SLC25A48: variants seen among roughly 807,000 people sequenced by gnomAD.
SLC25A48 encodes the protein CTC-321K16.1.
Under a neutral mutation model 32.2 loss-of-function variants are expected in SLC25A48, and 29 were observed. That is an observed-to-expected ratio of 0.90 (90% CI 0.67 to 1.23). SLC25A48 has a LOEUF of 1.23. Among genes scored for constraint, SLC25A48 ranks in the 50% most tolerant of loss-of-function variants. The pLI is 0.00. For synonymous variants in SLC25A48, 164 were observed against 172.3 expected (o/e 0.95, Z 0.38); for missense variants, 399 against 422.7 (o/e 0.94, Z 0.49).
At chr5:135,769,868 G>A (rs1756357650) in intron 3 of SLC25A48, among the ~76,000 whole-genome samples, 1 of 151,480 alleles carries the variant, frequency 6.6e-6, no homozygotes, top group Admixed American at 6.6e-5. Flanking sequence ...TGAGGGGAAA[G>A]GATAATATTA....
At chr5:135,626,895 T>C (rs182413107) in intron 1 of SLC25A48, among the ~76,000 whole-genome samples, 1 of 152,278 alleles carries the variant, frequency 6.6e-6, no homozygotes, top group African/African-American at 2.4e-5. Flanking sequence ...TGCTCCTTGA[T>C]CAGTGACTGA....
chr5:135,708,585 C>T (rs940784580), intron 3 of SLC25A48, among the ~76,000 whole-genome samples: 12 of 152,312 alleles, frequency 7.9e-5, no homozygotes, highest in South Asian at 2.1e-4. Context: ...GGCCCCACCC[C>T]GGTCAGGCAG....
chr5:135,772,115 G>GA, intron 3 of SLC25A48, among the ~76,000 whole-genome samples: 1 of 151,252 alleles, frequency 6.6e-6, no homozygotes, highest in East Asian at 1.9e-4. Context: ...TCCAGAGGGA[G>GA]AAAAAATAAT....
intron 3 of SLC25A48, among the ~76,000 whole-genome samples, chr5:135,794,277 G>A (rs1232829890): frequency 6.6e-6 from 1 of 151,332 alleles, no homozygotes; most frequent in Non-Finnish European, 1.5e-5. Flanking sequence ...ATATTGCGGG[G>A]GATATCCTTT....
At chr5:135,590,136 G>A (rs920086076) in intron 1 of SLC25A48, among the ~76,000 whole-genome samples, 2 of 152,140 alleles carry the variant, frequency 1.3e-5, no homozygotes, top group African/African-American at 4.8e-5. Context: ...CTTGTTCAGG[G>A]CTCCCTGTAC....
intron 4 of SLC25A48, among the ~76,000 whole-genome samples, chr5:135,864,935 G>A (rs1407345425): frequency 6.6e-6 from 1 of 152,234 alleles, no homozygotes; most frequent in Non-Finnish European, 1.5e-5. Context: ...GGTCACAGCT[G>A]CCTGCAGTTG....
intron 1 of SLC25A48, among the ~76,000 whole-genome samples, chr5:135,610,961 A>C (rs1260642316): frequency 6.6e-6 from 1 of 152,206 alleles, no homozygotes; most frequent in Non-Finnish European, 1.5e-5. Context: ...TAACATAGAA[A>C]AGACTTACAA....
intron 3 of SLC25A48, among the ~76,000 whole-genome samples, chr5:135,733,806 G>T (rs1480719301): frequency 6.6e-6 from 1 of 152,100 alleles, no homozygotes; most frequent in Non-Finnish European, 1.5e-5. Context: ...TTTAAGGAAT[G>T]GAAAGGGGAG....
chr5:135,669,013 A>G (rs1298991154), intron 3 of SLC25A48, among the ~76,000 whole-genome samples: 2 of 152,180 alleles, frequency 1.3e-5, no homozygotes, highest in African/African-American at 4.8e-5. Flanking sequence ...AGTAATAATA[A>G]TAATGACAGC....
chr5:135,605,766 C>G (rs1167470636), intron 1 of SLC25A48, among the ~76,000 whole-genome samples: 2 of 152,070 alleles, frequency 1.3e-5, no homozygotes, highest in African/African-American at 4.8e-5. Context: ...TGTCTTGGAT[C>G]CCGGGAAAAT....
At chr5:135,858,041 G>A (rs1760476460) in intron 4 of SLC25A48, among the ~76,000 whole-genome samples, 1 of 152,208 alleles carries the variant, frequency 6.6e-6, no homozygotes, top group Non-Finnish European at 1.5e-5. Flanking sequence ...GGATAGGTAA[G>A]ATTCCCCGAG....
intron 3 of SLC25A48, among the ~76,000 whole-genome samples, chr5:135,737,101 C>A (rs947709129): frequency 6.6e-6 from 1 of 152,094 alleles, no homozygotes; most frequent in African/African-American, 2.4e-5. Context: ...CACTCACGTC[C>A]GTGTGAAGAG....
At chr5:135,746,397 A>C (rs1439799261) in intron 3 of SLC25A48, 1 of 178,432 alleles carries the variant, frequency 5.6e-6, no homozygotes, top group Non-Finnish European at 1.2e-5. Flanking sequence ...GCAGCTCGCT[A>C]CAGTTTTGCC....
chr5:135,810,365 T>C (rs370030632), intron 3 of SLC25A48, among the ~76,000 whole-genome samples: 2 of 152,308 alleles, frequency 1.3e-5, no homozygotes, highest in East Asian at 3.9e-4. Flanking sequence ...CACTTGCCAA[T>C]TACTGTTTTT....
chr5:135,706,391 T>A (rs924640279), intron 3 of SLC25A48, among the ~76,000 whole-genome samples: 5 of 152,242 alleles, frequency 3.3e-5, no homozygotes, highest in Admixed American at 2.0e-4. Flanking sequence ...CATTGCTGTT[T>A]GTTTTGGTAA....
intron 6 of SLC25A48, chr5:135,875,935 G>C (rs1761996379): frequency 6.6e-6 from 1 of 152,162 alleles, no homozygotes; most frequent in African/African-American, 2.4e-5. Context: ...CTGGACCCTG[G>C]TTAGTATAAG....
chr5:135,595,952 C>T lies in SLC25A48; in HGVS notation c.-849+16355C>T, dbSNP rs569789834. Reference sequence around the variant, plus strand: ...AAATGATCCTCTTGGTCCTTTTGGGCACCAGCCCTCCCAGAGTGGACATCA... The same window carrying T: ...AAATGATCCTCTTGGTCCTTTTGGGTACCAGCCCTCCCAGAGTGGACATCA... On this transcript the variant is annotated intron_variant, in intron 1 of 10. Transcript: ENST00000646290. Among the ~76,000 whole-genome samples the T allele has an allele frequency of 3.5e-4, 54 of 152,316 alleles. 1 individual carries two copies. The South Asian group carries it at 0.011, about 30-fold the overall frequency.
chr5:135,714,004 G>A (rs1208795986), intron 3 of SLC25A48, among the ~76,000 whole-genome samples: 2 of 152,172 alleles, frequency 1.3e-5, no homozygotes, highest in Non-Finnish European at 1.5e-5. Flanking sequence ...GCAGGAGTGC[G>A]GGCGAGATGC....
chr5:135,851,600 AT>A (rs1186204991), intron 3 of SLC25A48, among the ~76,000 whole-genome samples: 2 of 59,694 alleles, frequency 3.4e-5, no homozygotes, highest in Non-Finnish European at 8.4e-5. Flanking sequence ...GTGTGTATAT[AT>A]GCGTGTGTGT....
Sources: gnomAD v4.1 joint callset for allele counts (sites outside exome capture counted in the v4.1 genomes callset) on GRCh38, gnomAD v4.1.1 for gene constraint, MANE v1.5 for transcripts, NCBI Gene and HGNC (gene_info 2026-07-23, HGNC 2026-07-21) for gene names.